GNA12: variants seen among roughly 807,000 people sequenced by gnomAD.
GNA12 encodes G protein subunit alpha 12, also known as guanine nucleotide-binding protein subunit alpha-12.
A neutral mutation model predicts 26.0 loss-of-function variants in GNA12; 9 were observed. The observed-to-expected ratio is 0.35, with a 90% CI of 0.21 to 0.60. The LOEUF (loss-of-function observed/expected upper bound fraction) is 0.60. Among genes scored for constraint, GNA12 ranks in the 20% least tolerant of loss-of-function variants. GNA12 has a pLI of 0.78. For missense variants in GNA12, 405 were observed against 525.8 expected (o/e 0.77, Z 2.25); for synonymous variants, 264 against 219.6 (o/e 1.20, Z -1.79).
Position 2,730,991 on chromosome 7 carries a change from A to C in GNA12, c.*190T>G. The C allele has an allele frequency of 1.9e-6, 1 of 534,982 alleles. No homozygotes were observed. Among genetic ancestry groups the C allele is most frequent in the South Asian group, 2.9e-5 (1 of 33,932 alleles). The allele number at this position is 534,982 out of a possible 1,614,324, so 33.1% of individuals were successfully genotyped here. A position where few individuals can be genotyped will look rare whatever the true frequency, so the allele number is the denominator to read the frequency against. ...ACTCGCCCCCAGGATTCAGTAGCTA[A>C]CGTGACAGTTTCCATGTCCTTTTGC... On this transcript the variant is annotated 3_prime_UTR_variant, in exon 4 of 4. Coordinates refer to ENST00000275364, the MANE Select transcript of GNA12 (RefSeq NM_007353.3).
intron 2 of GNA12, among the ~76,000 whole-genome samples, chr7:2,788,822 T>C (rs896518213): frequency 1.3e-5 from 2 of 151,150 alleles, no homozygotes; most frequent in East Asian, 3.9e-4. Flanking sequence ...TTACCTCCCC[T>C]TTTTTTTTCT....
intron 2 of GNA12, among the ~76,000 whole-genome samples, chr7:2,787,885 T>A (rs542154415): frequency 6.6e-6 from 1 of 152,192 alleles, no homozygotes; most frequent in Non-Finnish European, 1.5e-5. Context: ...CCGGGCACCA[T>A]GGCTCACGCC....
intron 2 of GNA12, chr7:2,764,611 C>CCAGG (rs1486013782): frequency 2.6e-5 from 4 of 152,228 alleles, no homozygotes; most frequent in Admixed American, 6.5e-5. Context: ...GCTTAGGGAG[C>CCAGG]CAGGGCCTGT....
chr7:2,811,390 C>G lies in GNA12; in HGVS notation c.310-16247G>C, dbSNP rs35558717. ...CAAAGGAGCAACAAAGCTGCCAGAA[C>G]TCTAGTTTCCCAGCCTTGGCAGAGA... is the stretch of plus-strand genomic sequence containing the variant. On this transcript the variant is annotated intron_variant, in intron 1 of 3. Coordinates refer to ENST00000275364, the MANE Select transcript of GNA12 (RefSeq NM_007353.3). Among the ~76,000 whole-genome samples, 10 of 152,360 alleles carry G rather than the reference C, an allele frequency of 6.6e-5. No homozygotes were observed. In the East Asian group the frequency reaches 1.9e-3, roughly 29 times the overall value.
In GNA12 at chr7:2,728,791, C is replaced by G. The variant is rs974124729; in HGVS notation, c.*2390G>C. ...CTTCTTCTCCAATTACAATGTGTTA[C>G]AGAATTTGGAAGGGGGTGTCTTTAA... On this transcript the variant is annotated 3_prime_UTR_variant, in exon 4 of 4. Transcript: ENST00000275364. The G allele has an allele frequency of 2.0e-5, 3 of 152,298 alleles. No individual in the cohort carries two copies. Among genetic ancestry groups the G allele is most frequent in the African/African-American group, 7.2e-5 (3 of 41,422 alleles). The allele number at this position is 152,298 out of a possible 1,614,324, so 9.4% of individuals were successfully genotyped here.
Position 2,731,301 on chromosome 7 carries a change from G to T in GNA12, c.1026C>A (p.Arg342=). Residue 342 remains arginine (R), a synonymous_variant, in exon 4 of 4, where the codon CGC becomes CGA. Transcript: ENST00000275364. This position sits in a 1 kb window ranked among gnomAD's most constrained non-coding sequence, Gnocchi z 6.0. ...VQCFDRKRRN[R]SKPLFHHFTT... The stretch of plus-strand genomic sequence containing the variant: ...TGAAGTGGTGGAAGAGTGGCTTGCT[G>T]CGGTTCCGTCTCTTCCTGTCGAAGC... 1 of 1,613,842 alleles carries T rather than the reference G, an allele frequency of 6.2e-7. No homozygotes were observed. The highest frequency in any genetic ancestry group is 1.6e-4 in the Middle Eastern group (1 of 6,062).
rs80248199 is a variant in GNA12 at position 2,796,383 on chromosome 7, A to G, written c.310-1240T>C. On this transcript the variant is annotated intron_variant, in intron 1 of 3. Coordinates refer to ENST00000275364, the MANE Select transcript of GNA12 (RefSeq NM_007353.3). ...CCTTCTGTCTCTCAAATGTGGTATC[A>G]CCGTCCGCGCCTATTTTCCGTTGGC... Among the ~76,000 whole-genome samples, 1,481 of 152,326 alleles carry G rather than the reference A, an allele frequency of 9.7e-3. 10 individuals carry two copies. The highest frequency in any genetic ancestry group is 0.075 in the Middle Eastern group (22 of 294).
intron 1 of GNA12, among the ~76,000 whole-genome samples, chr7:2,807,880 G>A (rs554709522): frequency 2.4e-4 from 36 of 152,272 alleles, no homozygotes; most frequent in African/African-American, 6.5e-4. Flanking sequence ...GCACACACAC[G>A]ACCGAAGAGC....
intron 2 of GNA12, among the ~76,000 whole-genome samples, chr7:2,739,030 C>T (rs557524180): frequency 1.2e-4 from 18 of 152,252 alleles, no homozygotes; most frequent in African/African-American, 3.6e-4. Context: ...GGTCCTTGGC[C>T]GTGGAGCAGC....
intron 2 of GNA12, among the ~76,000 whole-genome samples, chr7:2,773,932 G>C (rs1225231030): frequency 6.6e-6 from 1 of 152,206 alleles, no homozygotes; most frequent in Non-Finnish European, 1.5e-5. Context: ...TTACCATGCA[G>C]CAACAAGGAA....
At chr7:2,737,577 C>A (rs1156892688) in intron 2 of GNA12, among the ~76,000 whole-genome samples, 1 of 152,156 alleles carries the variant, frequency 6.6e-6, no homozygotes, top group Non-Finnish European at 1.5e-5. Flanking sequence ...GCGTGAGCCA[C>A]AGCGCCCGGC....
chr7:2,783,687 T>TTTATTTAA lies in GNA12; in HGVS notation c.525+11240_525+11241insTTAAATAA, dbSNP rs1554259982. Among the ~76,000 whole-genome samples, 4 of 120,552 alleles carry TTTATTTAA rather than the reference T, an allele frequency of 3.3e-5. No homozygotes were observed. In the East Asian group the frequency reaches 9.6e-4, roughly 29 times the overall value. 79.1% of individuals were successfully genotyped at this position (120,552 alleles called of 152,430 possible). ...ATTTATTTATTTATTTATTTATTTA[T>TTTATTTAA]TTATTTATTTATTTTGAGATGTAGT... On this transcript the variant is annotated intron_variant, in intron 2 of 3. Coordinates refer to ENST00000275364, the MANE Select transcript of GNA12 (RefSeq NM_007353.3).
intron 2 of GNA12, among the ~76,000 whole-genome samples, chr7:2,770,356 G>A (rs1791917544): frequency 6.6e-6 from 1 of 152,142 alleles, no homozygotes; most frequent in Admixed American, 6.6e-5. Flanking sequence ...TCAAATTGAG[G>A]CTCAATAGCC....
At chr7:2,819,291 C>A (rs1250839976) in intron 1 of GNA12, among the ~76,000 whole-genome samples, 3 of 152,234 alleles carry the variant, frequency 2.0e-5, no homozygotes, top group African/African-American at 7.2e-5. Flanking sequence ...CCGATGCATT[C>A]CCAGAGCCTC....
At chr7:2,832,952 C>T (rs142148924) in intron 1 of GNA12, among the ~76,000 whole-genome samples, 1 of 152,220 alleles carries the variant, frequency 6.6e-6, no homozygotes, top group Non-Finnish European at 1.5e-5. Flanking sequence ...GAAGCATGAG[C>T]TTCTCTAACG....
intron 2 of GNA12, among the ~76,000 whole-genome samples, chr7:2,746,355 C>G (rs1790762854): frequency 1.3e-5 from 2 of 152,156 alleles, no homozygotes; most frequent in South Asian, 4.2e-4. Context: ...AACTAGAACT[C>G]AGGATTAAGA....
intron 1 of GNA12, among the ~76,000 whole-genome samples, chr7:2,819,843 A>G (rs950472419): frequency 2.0e-5 from 3 of 152,232 alleles, no homozygotes; most frequent in African/African-American, 7.2e-5. Flanking sequence ...AATGTTAAAC[A>G]TAAAGCAACC....
intron 2 of GNA12, among the ~76,000 whole-genome samples, chr7:2,767,845 G>A (rs1791845115): frequency 6.6e-6 from 1 of 152,096 alleles, no homozygotes; most frequent in Non-Finnish European, 1.5e-5. Flanking sequence ...TGTACTAATG[G>A]AGACTATATT....
chr7:2,759,642 G>A (rs964745786), intron 2 of GNA12, among the ~76,000 whole-genome samples: 1 of 152,206 alleles, frequency 6.6e-6, no homozygotes. Context: ...AGGTTCAGAG[G>A]TGTTTGTTCA....
Sources: allele counts gnomAD v4.1 joint callset (sites outside exome capture counted in the v4.1 genomes callset), GRCh38; gene constraint gnomAD v4.1.1; non-coding constraint Gnocchi (gnomAD v3.1); transcripts MANE v1.5; gene names NCBI Gene and HGNC (gene_info 2026-07-23, HGNC 2026-07-21).